PTPRD: variants seen among roughly 807,000 people sequenced by gnomAD.
PTPRD encodes the protein protein tyrosine phosphatase receptor type D, also known as receptor-type tyrosine-protein phosphatase delta.
Under a neutral mutation model 214.5 loss-of-function variants are expected in PTPRD, and 34 were observed. The ratio of observed to expected loss-of-function variants is 0.16; its 90% CI spans 0.12 to 0.21. The LOEUF (loss-of-function observed/expected upper bound fraction) is 0.21. Among genes scored for constraint, PTPRD ranks in the 10% least tolerant of loss-of-function variants. The probability of loss-of-function intolerance (pLI) is 1.00; values close to 1 mark genes in which losing one functional copy is unlikely to be tolerated. For missense variants in PTPRD, 2,545 were observed against 2,398.7 expected, an observed-to-expected ratio of 1.06 and a Z score of -1.27; for synonymous variants, 1,128 against 845.7, an observed-to-expected ratio of 1.33 and a Z score of -5.79.
intron 9 of PTPRD, among the ~76,000 whole-genome samples, chr9:9,381,389 T>TCTTA (rs2062192854): frequency 6.8e-6 from 1 of 147,290 alleles, no homozygotes; most frequent in South Asian, 2.1e-4. Context: ...TTTGACAGGG[T>TCTTA]CTTACTTTGT....
intron 14 of PTPRD, among the ~76,000 whole-genome samples, chr9:8,625,780 T>TA (rs1449215271): frequency 1.3e-5 from 2 of 151,654 alleles, no homozygotes; most frequent in Non-Finnish European, 3.0e-5. Context: ...GGAAAGTTTT[T>TA]AGATATAAAT....
chr9:8,354,108 A>G (rs1401816756), intron 39 of PTPRD, among the ~76,000 whole-genome samples: 1 of 151,452 alleles, frequency 6.6e-6, no homozygotes, highest in African/African-American at 2.4e-5. Flanking sequence ...TAATAAATTG[A>G]AATTTTTAAT....
At position 9,228,870 on chromosome 9, in the gene PTPRD, T is replaced by C. The variant is rs55658127; in HGVS notation, c.-202-45507A>G. Among the ~76,000 whole-genome samples the C allele has an allele frequency of 3.6e-3, 544 of 152,242 alleles. 4 individuals are homozygous for C. The highest frequency in any genetic ancestry group is 0.012 in the African/African-American group (508 of 41,572). Reference sequence around the variant, plus strand: ...ACAAATTGAAAAGGCAGAATTCTAATAAGCAGGCTCCACAAACAGTACTTA... The same window carrying C: ...ACAAATTGAAAAGGCAGAATTCTAACAAGCAGGCTCCACAAACAGTACTTA... On this transcript the variant is annotated intron_variant, in intron 9 of 45. Coordinates refer to ENST00000381196, the MANE Select transcript of PTPRD (RefSeq NM_002839.4).
chr9:10,448,040 T>C (rs936895521), intron 2 of PTPRD, among the ~76,000 whole-genome samples: 3 of 151,986 alleles, frequency 2.0e-5, no homozygotes, highest in South Asian at 4.1e-4. Context: ...TATAAGTGCA[T>C]GTATAAGTAT....
chr9:9,580,517 T>G (rs1008781305), intron 7 of PTPRD, among the ~76,000 whole-genome samples: 3 of 151,714 alleles, frequency 2.0e-5, no homozygotes, highest in Non-Finnish European at 4.4e-5. Flanking sequence ...TTGAATGGTG[T>G]CTATTCATGT....
chr9:8,670,202 C>T (rs191420547), intron 12 of PTPRD, among the ~76,000 whole-genome samples: 1 of 152,172 alleles, frequency 6.6e-6, no homozygotes, highest in African/African-American at 2.4e-5. Flanking sequence ...CCTAATAAGA[C>T]ACAACTGTAT....
chr9:9,205,801 G>C (rs2099944507), intron 9 of PTPRD, among the ~76,000 whole-genome samples: 1 of 152,102 alleles, frequency 6.6e-6, no homozygotes, highest in African/African-American at 2.4e-5. Flanking sequence ...TACTGCCCTA[G>C]AAGATTGTAC....
At chr9:9,666,924 G>C (rs777222213) in intron 7 of PTPRD, among the ~76,000 whole-genome samples, 3 of 151,634 alleles carry the variant, frequency 2.0e-5, no homozygotes, top group Non-Finnish European at 4.4e-5. Context: ...CAAAAGCCTT[G>C]AGTTTGGGTT....
intron 4 of PTPRD, among the ~76,000 whole-genome samples, chr9:9,942,403 C>A (rs1195059448): frequency 2.0e-5 from 3 of 151,892 alleles, no homozygotes; most frequent in African/African-American, 7.3e-5. Context: ...AGCACTCTCC[C>A]CAAAACGATT....
Position 8,530,728 on chromosome 9 carries a change from G to C in PTPRD, c.353-1949C>G, listed in dbSNP as rs191235523. Reference sequence around the variant, plus strand: ...AGAACTTCTGGTAGAGAGGCAACCAGTTAAATAGTTAGGGACCAGAGAGAT... The same window carrying C: ...AGAACTTCTGGTAGAGAGGCAACCACTTAAATAGTTAGGGACCAGAGAGAT... On this transcript the variant is annotated intron_variant, in intron 14 of 45. Transcript: ENST00000381196. Among the ~76,000 whole-genome samples, 356 of 152,196 alleles carry C rather than the reference G, an allele frequency of 2.3e-3. 3 individuals are homozygous for C. Among genetic ancestry groups the C allele is most frequent in the Non-Finnish European group, 4.2e-3 (287 of 67,990 alleles).
intron 9 of PTPRD, among the ~76,000 whole-genome samples, chr9:9,184,100 C>G (rs2099929925): frequency 6.6e-6 from 1 of 151,760 alleles, no homozygotes; most frequent in Non-Finnish European, 1.5e-5. Context: ...AACTCTTATT[C>G]CTCCTTCAAT....
At chr9:9,647,376 T>C (rs565514089) in intron 7 of PTPRD, among the ~76,000 whole-genome samples, 1 of 80,426 alleles carries the variant, frequency 1.2e-5, no homozygotes, top group Non-Finnish European at 3.8e-5. Flanking sequence ...GGATAATTTG[T>C]TTTTTTATGC....
In PTPRD at chr9:8,433,240, C is replaced by T. The variant is rs538588540; in HGVS notation, c.4086+3352G>A. On this transcript the variant is annotated intron_variant, in intron 35 of 45. Coordinates refer to ENST00000381196, the MANE Select transcript of PTPRD (RefSeq NM_002839.4). ...GCACAGTGCATTACTCCTGTGGTTG[C>T]AGAGATGTTGGTGTAATTAAACTTA... is the stretch of plus-strand genomic sequence containing the variant. Among the ~76,000 whole-genome samples, 5 of 152,270 alleles carry T rather than the reference C, an allele frequency of 3.3e-5. No homozygotes were observed. The South Asian group carries it at 1.0e-3, about 32-fold the overall frequency.
intron 7 of PTPRD, among the ~76,000 whole-genome samples, chr9:9,674,410 G>GA (rs533787585): frequency 4.2e-4 from 63 of 149,952 alleles, no homozygotes; most frequent in African/African-American, 1.5e-3. Flanking sequence ...TAAATTGAAA[G>GA]AAAAAAAGAA....
intron 10 of PTPRD, among the ~76,000 whole-genome samples, chr9:9,103,756 G>A (rs2099794605): frequency 2.6e-5 from 4 of 152,082 alleles, no homozygotes; most frequent in Admixed American, 2.0e-4. Flanking sequence ...CAAGATGGGT[G>A]GATACCTTAA....
chr9:10,575,661 G>A (rs942126891), intron 2 of PTPRD, among the ~76,000 whole-genome samples: 1 of 152,040 alleles, frequency 6.6e-6, no homozygotes, highest in Non-Finnish European at 1.5e-5. Flanking sequence ...GTCATTTATG[G>A]TGATTACAAA....
In PTPRD at chr9:8,776,359, A is replaced by G. The variant is rs951580929; in HGVS notation, c.-103-42413T>C. ...CTCACATCGCCCAGGCTGGAGTGCAATGGTGCAATCTTGGCTCACTGCAGT... is the reference window on the plus strand; with the variant it reads ...CTCACATCGCCCAGGCTGGAGTGCAGTGGTGCAATCTTGGCTCACTGCAGT... On this transcript the variant is annotated intron_variant, in intron 11 of 45. Coordinates refer to ENST00000381196, the MANE Select transcript of PTPRD (RefSeq NM_002839.4). Among the ~76,000 whole-genome samples the G allele has an allele frequency of 5.3e-5, 8 of 152,202 alleles. No homozygotes were observed. In the East Asian group the frequency reaches 1.4e-3, roughly 26 times the overall value.
At chr9:9,788,930 T>C (rs1360582400) in intron 5 of PTPRD, among the ~76,000 whole-genome samples, 1 of 152,204 alleles carries the variant, frequency 6.6e-6, no homozygotes, top group Non-Finnish European at 1.5e-5. Flanking sequence ...GCTTTAGTTA[T>C]CGCTTTACTC....
intron 12 of PTPRD, among the ~76,000 whole-genome samples, chr9:8,685,061 G>C (rs2097651174): frequency 6.6e-6 from 1 of 152,072 alleles, no homozygotes; most frequent in Admixed American, 6.6e-5. Flanking sequence ...CTTCTGTCCT[G>C]ATATTTTTCA....
Sources: gnomAD v4.1 joint callset for allele counts (sites outside exome capture counted in the v4.1 genomes callset) on GRCh38, gnomAD v4.1.1 for gene constraint, MANE v1.5 for transcripts, NCBI Gene and HGNC (gene_info 2026-07-23, HGNC 2026-07-21) for gene names.